SMU1: variants seen among roughly 807,000 people sequenced by gnomAD.
SMU1 encodes the protein WD40 repeat-containing protein SMU1.
In SMU1, 2 loss-of-function variants were observed where a neutral mutation model predicts 62.0. The ratio of observed to expected loss-of-function variants is 0.03; its 90% CI spans 0.01 to 0.10. The LOEUF (loss-of-function observed/expected upper bound fraction) is 0.10. SMU1 is among the 10% of genes least tolerant of loss of function. The probability of loss-of-function intolerance (pLI) is 1.00; values close to 1 mark genes in which losing one functional copy is unlikely to be tolerated. For synonymous variants in SMU1, 188 were observed against 212.4 expected, an observed-to-expected ratio of 0.89 and a Z score of 1.00; for missense variants, 227 against 622.1, an observed-to-expected ratio of 0.36 and a Z score of 6.76.
chr9:33,042,165 A>G lies in SMU1; in HGVS notation c.*5128T>C, dbSNP rs1839133507. ...GTAATGTGCCATTACTTTTAATGGC[A>G]AAAACCGCAATTACTTTTGCACTAA... On this transcript the variant is annotated 3_prime_UTR_variant, in exon 12 of 12. Coordinates refer to ENST00000397149, the MANE Select transcript of SMU1 (RefSeq NM_018225.3). 6.5e-6 allele frequency: 1 copy of G among 152,688 alleles called. No homozygotes were observed. The allele number at this position is 152,688 out of a possible 1,614,324, so 9.5% of individuals were successfully genotyped here. A position where few individuals can be genotyped will look rare whatever the true frequency, so the allele number is the denominator to read the frequency against.
intron 3 of SMU1, among the ~76,000 whole-genome samples, chr9:33,070,431 G>T (rs983172039): frequency 1.3e-5 from 2 of 152,232 alleles, no homozygotes; most frequent in African/African-American, 4.8e-5. Context: ...TACACTATTA[G>T]TGGGAATGTA....
Position 33,044,688 on chromosome 9 carries a change from G to A in SMU1, c.*2605C>T, listed in dbSNP as rs1233946789. ...ATGAAGTTGTAGAAAGATTAACAAG[G>A]GTTACCTGGGAAAGGCAGATTTTCA... On this transcript the variant is annotated 3_prime_UTR_variant, in exon 12 of 12. Coordinates refer to ENST00000397149, the MANE Select transcript of SMU1 (RefSeq NM_018225.3). 5 of 152,208 alleles carry A rather than the reference G, an allele frequency of 3.3e-5. No individual in the cohort carries two copies. 9.4% of individuals were successfully genotyped at this position (152,208 alleles called of 1,614,324 possible).
At chr9:33,066,990 A>G (rs978638782) in intron 4 of SMU1, among the ~76,000 whole-genome samples, 1 of 152,178 alleles carries the variant, frequency 6.6e-6, no homozygotes, top group Non-Finnish European at 1.5e-5. Context: ...CGGAAAAAAA[A>G]GGACTTTTGA....
In SMU1 at chr9:33,041,809, A is replaced by G. The variant is rs2119406121; in HGVS notation, c.*5484T>C. ...TATGAAGCACTTTACTGTTTGATAC[A>G]TGGATGAACCTTTAAAACATGCTAA... On this transcript the variant is annotated 3_prime_UTR_variant, in exon 12 of 12. Transcript: ENST00000397149. 1 of 152,038 alleles carries G rather than the reference A, an allele frequency of 6.6e-6. No individual in the cohort carries two copies. Among genetic ancestry groups the G allele is most frequent in the East Asian group, 1.9e-4 (1 of 5,190 alleles). 9.4% of individuals were successfully genotyped at this position (152,038 alleles called of 1,614,324 possible). A position where few individuals can be genotyped will look rare whatever the true frequency, so the allele number is the denominator to read the frequency against.
intron 3 of SMU1, among the ~76,000 whole-genome samples, chr9:33,069,997 A>T (rs1008109729): frequency 7.2e-5 from 11 of 151,858 alleles, no homozygotes; most frequent in Admixed American, 1.3e-4. Flanking sequence ...GTGGTGGCAC[A>T]CACCAGTAAT....
rs1431428843 is a variant in SMU1 at position 33,043,932 on chromosome 9, A to G, written c.*3361T>C. On this transcript the variant is annotated 3_prime_UTR_variant, in exon 12 of 12. Transcript: ENST00000397149. ...TTAGTGGTAGTAATAATACATGCTG[A>G]AAAAAAACAACTGGTGAAGAAGATA... The G allele has an allele frequency of 6.6e-6, 1 of 151,078 alleles. No individual in the cohort carries two copies. The highest frequency in any genetic ancestry group is 6.7e-5 in the Admixed American group (1 of 15,020). 9.4% of individuals were successfully genotyped at this position (151,078 alleles called of 1,614,324 possible). A position where few individuals can be genotyped will look rare whatever the true frequency, so the allele number is the denominator to read the frequency against.
At chr9:33,066,033 T>C (rs1839415829) in intron 4 of SMU1, among the ~76,000 whole-genome samples, 2 of 152,180 alleles carry the variant, frequency 1.3e-5, no homozygotes, top group African/African-American at 4.8e-5. Flanking sequence ...CTGGAAAAGC[T>C]GACCAGCCCA....
At chr9:33,064,338 T>C (rs10813930) in intron 4 of SMU1, among the ~76,000 whole-genome samples, 55,813 of 152,040 alleles carry the variant, frequency 0.37, 10,551 homozygotes, top group Non-Finnish European at 0.41. Context: ...AATCTCTAAG[T>C]TTGGGAAGAC....
chr9:33,062,181 T>C lies in SMU1; in HGVS notation c.502-4A>G, dbSNP rs745461063. ...GATGCTGCTGCCACTTCAGTGCCTA[T>C]GAGGAAAAAAAAAAATATAGCAATC... On this transcript the variant is annotated splice_region_variant and splice_polypyrimidine_tract_variant and intron_variant, in intron 4 of 11. Coordinates refer to ENST00000397149, the MANE Select transcript of SMU1 (RefSeq NM_018225.3). 1.2e-6 allele frequency: 2 copies of C among 1,601,642 alleles called. No homozygotes were observed. The highest frequency in any genetic ancestry group is 1.1e-5 in the South Asian group (1 of 90,286).
chr9:33,060,969 T>C (rs539382676), intron 5 of SMU1, among the ~76,000 whole-genome samples: 1 of 152,342 alleles, frequency 6.6e-6, no homozygotes, highest in African/African-American at 2.4e-5. Context: ...CTGTTGTGTA[T>C]CTCAGGGGGA....
chr9:33,064,458 T>G (rs940281608), intron 4 of SMU1, among the ~76,000 whole-genome samples: 1 of 152,204 alleles, frequency 6.6e-6, no homozygotes, highest in Non-Finnish European at 1.5e-5. Flanking sequence ...GGCTCTGATC[T>G]GACCTCTCCC....
Position 33,045,462 on chromosome 9 carries a change from C to A in SMU1, c.*1831G>T, listed in dbSNP as rs1248807061. On this transcript the variant is annotated 3_prime_UTR_variant, in exon 12 of 12. Coordinates refer to ENST00000397149, the MANE Select transcript of SMU1 (RefSeq NM_018225.3). ...GAATATGACTGGGAAAGAGGGATTT[C>A]TTAGTGCTGCCCAGAATTAATTCAG... The A allele has an allele frequency of 1.3e-5, 2 of 152,204 alleles. No individual in the cohort carries two copies. Among genetic ancestry groups the A allele is most frequent in the Non-Finnish European group, 2.9e-5 (2 of 68,034 alleles). 9.4% of individuals were successfully genotyped at this position (152,204 alleles called of 1,614,324 possible). A position where few individuals can be genotyped will look rare whatever the true frequency, so the allele number is the denominator to read the frequency against.
At position 33,051,111 on chromosome 9, in the gene SMU1, ACT is replaced by A. The variant is rs1453791395; in HGVS notation, c.1290+2010_1290+2011del. On this transcript the variant is annotated intron_variant, in intron 10 of 11. Transcript: ENST00000397149. The stretch of plus-strand genomic sequence containing the variant: ...ACTCCAGCCTGGGCGACAGAGCGAG[ACT>A]CTGTCTCAAAAAAAAAAAAAAATAA... Among the ~76,000 whole-genome samples, 14 of 68,584 alleles carry A rather than the reference ACT, an allele frequency of 2.0e-4. 1 individual carries two copies. The East Asian group carries it at 3.4e-3, about 17-fold the overall frequency. 45.0% of individuals were successfully genotyped at this position (68,584 alleles called of 152,430 possible). A position where few individuals can be genotyped will look rare whatever the true frequency, so the allele number is the denominator to read the frequency against.
intron 11 of SMU1, among the ~76,000 whole-genome samples, chr9:33,047,628 C>T (rs555045305): frequency 7.9e-5 from 12 of 152,106 alleles, no homozygotes; most frequent in African/African-American, 2.2e-4. Flanking sequence ...GAGGCAGAGG[C>T]GGGTGGATCA....
chr9:33,069,338 G>A (rs1469511645), intron 3 of SMU1, among the ~76,000 whole-genome samples: 1 of 152,234 alleles, frequency 6.6e-6, no homozygotes, highest in East Asian at 1.9e-4. Context: ...TCCCAGCACA[G>A]AAGTGCTTCA....
intron 10 of SMU1, among the ~76,000 whole-genome samples, chr9:33,050,847 C>T (rs1331068622): frequency 3.7e-5 from 2 of 54,704 alleles, no homozygotes; most frequent in Non-Finnish European, 4.4e-5. Context: ...TAAGGCCGGG[C>T]GCGGTGGCTC....
In SMU1 at chr9:33,056,155, A is replaced by G. The variant is rs1282924973; in HGVS notation, c.1080T>C (p.Asp360=). The G allele has an allele frequency of 1.2e-6, 2 of 1,613,626 alleles. No homozygotes were observed. The highest frequency in any genetic ancestry group is 1.7e-4 in the Middle Eastern group (1 of 5,990). The change falls in exon 9 of 12, where the codon GAT becomes GAC. Residue 360 remains aspartate (D), a synonymous_variant. Coordinates refer to ENST00000397149, the MANE Select transcript of SMU1 (RefSeq NM_018225.3). ...SFVNEATFTQ[D]GHYIISASSD... is the part of the protein sequence containing the mutation. ...AGGATGCACTAATAATGTAATGTCC[A>G]TCTTGTGTAAATGTTGCTTCGTTAA...
intron 10 of SMU1, 75 bp downstream of exon 10, chr9:33,053,048 G>C: frequency 7.1e-7 from 1 of 1,404,746 alleles, no homozygotes; most frequent in Non-Finnish European, 9.9e-7. Flanking sequence ...TATTGGGAGG[G>C]TGGGCCTGGA....
At chr9:33,049,394 G>A (rs536859474) in intron 10 of SMU1, among the ~76,000 whole-genome samples, 3 of 152,184 alleles carry the variant, frequency 2.0e-5, no homozygotes, top group Non-Finnish European at 2.9e-5. Context: ...GCAAGAAAAT[G>A]TATCTAGACA....
Sources: allele counts gnomAD v4.1 joint callset (sites outside exome capture counted in the v4.1 genomes callset), GRCh38; gene constraint gnomAD v4.1.1; transcripts MANE v1.5; gene names NCBI Gene and HGNC (gene_info 2026-07-23, HGNC 2026-07-21).